FAT3: variants seen among roughly 807,000 people sequenced by gnomAD.
FAT3 encodes the protein protocadherin Fat 3.
Under a neutral mutation model 310.2 loss-of-function variants are expected in FAT3, and 95 were observed. The ratio of observed to expected loss-of-function variants is 0.31; its 90% CI spans 0.26 to 0.36. The LOEUF is 0.36. FAT3 is among the 10% of genes least tolerant of loss of function. The probability of loss-of-function intolerance (pLI) is 1.00; values close to 1 mark genes in which losing one functional copy is unlikely to be tolerated. For missense variants in FAT3, 5,408 were observed against 5,715.6 expected (o/e 0.95, Z 1.74); for synonymous variants, 2,314 against 2,192.9 (o/e 1.06, Z -1.54).
Position 92,352,204 on chromosome 11 carries a change from A to C in FAT3, c.92A>C (p.Gln31Pro). ...TTCAAGCTTTTGGCCACTGTCTCCC[A>C]GGGGCTGCCAGGGACTGGACCCCTG... ...LLFKLLATVS[Q>P]GLPGTGPLGF... is the part of the protein sequence containing the mutation. The change falls in exon 2 of 28, where the codon CAG (glutamine) becomes CCG (proline). Residue 31 changes from glutamine (Q) to proline (P), a missense_variant. This residue lies in a region of FAT3 where 152 missense variants were observed against 188.3 expected (regional missense o/e 0.81). Transcript: ENST00000525166. 12 of 1,377,376 alleles carry C rather than the reference A, an allele frequency of 8.7e-6. No individual in the cohort carries two copies. Among genetic ancestry groups the C allele is most frequent in the Non-Finnish European group, 1.2e-5 (12 of 1,028,926 alleles). The allele number at this position is 1,377,376 out of a possible 1,614,324, so 85.3% of individuals were successfully genotyped here.
chr11:92,332,456 T>C (rs1256955401), intron 1 of FAT3, among the ~76,000 whole-genome samples: 1 of 152,232 alleles, frequency 6.6e-6, no homozygotes, highest in Admixed American at 6.5e-5. Context: ...TTAACCAAGC[T>C]TGTCTAACCT....
At chr11:92,665,345 A>C (rs1024742814) in intron 3 of FAT3, among the ~76,000 whole-genome samples, 1 of 152,212 alleles carries the variant, frequency 6.6e-6, no homozygotes, top group East Asian at 1.9e-4. Flanking sequence ...GACTCCAGTA[A>C]AAATAACAGA....
intron 3 of FAT3, among the ~76,000 whole-genome samples, chr11:92,581,645 G>A (rs1938806024): frequency 6.6e-6 from 1 of 151,870 alleles, no homozygotes; most frequent in Non-Finnish European, 1.5e-5. Context: ...AGCTTATAAA[G>A]GTCTGCCAAG....
Position 92,890,910 on chromosome 11 carries a change from C to G in FAT3, c.13567C>G (p.Gln4523Glu), listed in dbSNP as rs2136448232. ...EFSTFAVSMN[Q>E]GTEPTGPADS... ...TAGTACTTTTGCTGTGAGCATGAAC[C>G]AGGGCACAGAGCCCACAGGCCCAGC... The change falls in exon 28 of 28, where the codon CAG (glutamine) becomes GAG (glutamate). Residue 4523 changes from glutamine to glutamate, a missense_variant. Around this residue, in one of 5 missense-constraint regions of FAT3, gnomAD observed 649 missense variants for 666.2 expected, o/e 0.97. Coordinates refer to ENST00000525166, the MANE Select transcript of FAT3 (RefSeq NM_001367949.2). The G allele has an allele frequency of 1.2e-6, 2 of 1,614,024 alleles. No homozygotes were observed. Among genetic ancestry groups the G allele is most frequent in the Non-Finnish European group, 1.7e-6 (2 of 1,179,892 alleles).
intron 2 of FAT3, among the ~76,000 whole-genome samples, chr11:92,401,116 G>A (rs1017765554): frequency 2.6e-5 from 4 of 152,114 alleles, no homozygotes; most frequent in African/African-American, 9.7e-5. Context: ...CTTGAGATTT[G>A]GTTACCTGGA....
intron 3 of FAT3, among the ~76,000 whole-genome samples, chr11:92,673,970 C>T (rs1424503315): frequency 6.6e-6 from 1 of 151,954 alleles, no homozygotes; most frequent in East Asian, 1.9e-4. Flanking sequence ...CACTTGAGGT[C>T]AGGAGTTCGA....
Position 92,893,755 on chromosome 11 carries a change from C to T in FAT3, c.*2642C>T, listed in dbSNP as rs1291023444. Reference sequence around the variant, plus strand: ...CATGTATTGTGTTTTGATTTATTATCTTTAAACACATGATATCTCTTCACT... The same window carrying T: ...CATGTATTGTGTTTTGATTTATTATTTTTAAACACATGATATCTCTTCACT... On this transcript the variant is annotated 3_prime_UTR_variant, in exon 28 of 28. Coordinates refer to ENST00000525166, the MANE Select transcript of FAT3 (RefSeq NM_001367949.2). 4.6e-5 allele frequency: 7 copies of T among 152,308 alleles called. No homozygotes were observed. The East Asian group carries it at 7.7e-4, about 17-fold the overall frequency. The allele number at this position is 152,308 out of a possible 1,614,324, so 9.4% of individuals were successfully genotyped here.
At chr11:92,393,188 A>G (rs909862491) in intron 2 of FAT3, among the ~76,000 whole-genome samples, 2 of 152,072 alleles carry the variant, frequency 1.3e-5, no homozygotes, top group African/African-American at 4.8e-5. Flanking sequence ...AAAGAGACCT[A>G]TGGAAGGCAG....
At position 92,844,674 on chromosome 11, in the gene FAT3, G is replaced by C; in HGVS notation, c.11307G>C (p.Thr3769=). The C allele has an allele frequency of 6.3e-7, 1 of 1,596,758 alleles. No individual in the cohort carries two copies. The highest frequency in any genetic ancestry group is 1.1e-5 in the South Asian group (1 of 88,506). The stretch of plus-strand genomic sequence containing the variant: ...CCCACGCGCTCATGACCTACAGCAC[G>C]GCTCGCATCAGCTTTGTGTGTCCGC... ...LDSHALMTYS[T]ARISFVCPRF... is the part of the protein sequence containing the mutation. Residue 3769 remains threonine, a synonymous_variant, in exon 19 of 28, where the codon ACG becomes ACC. Transcript: ENST00000525166.
intron 3 of FAT3, among the ~76,000 whole-genome samples, chr11:92,584,481 C>A (rs1002003868): frequency 6.6e-6 from 1 of 151,672 alleles, no homozygotes; most frequent in Non-Finnish European, 1.5e-5. Flanking sequence ...GCTTTTTTTC[C>A]CCCCCTTTTC....
At chr11:92,626,448 T>A (rs1941338805) in intron 3 of FAT3, among the ~76,000 whole-genome samples, 1 of 151,928 alleles carries the variant, frequency 6.6e-6, no homozygotes, top group Non-Finnish European at 1.5e-5. Context: ...AAAAAGGGAA[T>A]TTGAAATTGG....
chr11:92,250,493 A>G (rs1323521854), intron 1 of FAT3, among the ~76,000 whole-genome samples: 2 of 152,256 alleles, frequency 1.3e-5, no homozygotes, highest in African/African-American at 4.8e-5. Flanking sequence ...GTAGGTTGGT[A>G]GTCCAGTATT....
At chr11:92,239,039 C>A (rs1330574898) in intron 1 of FAT3, among the ~76,000 whole-genome samples, 4 of 152,238 alleles carry the variant, frequency 2.6e-5, no homozygotes, top group African/African-American at 7.2e-5. Flanking sequence ...TATCCCCCAA[C>A]AACTCTATGA....
intron 1 of FAT3, among the ~76,000 whole-genome samples, chr11:92,321,262 C>T (rs1343436357): frequency 1.3e-5 from 2 of 151,982 alleles, no homozygotes; most frequent in Admixed American, 1.3e-4. Flanking sequence ...CGGTGAAACC[C>T]CATCTCTACT....
At position 92,682,198 on chromosome 11, in the gene FAT3, G is replaced by A. The variant is rs149562601; in HGVS notation, c.3608-15186G>A. On this transcript the variant is annotated intron_variant, in intron 3 of 27. Transcript: ENST00000525166. Reference sequence around the variant, plus strand: ...CTCCTCAACTACAAAATGGGGGTAAGAATAGTATTTAGCAACTTATAGTAA... The same window carrying A: ...CTCCTCAACTACAAAATGGGGGTAAAAATAGTATTTAGCAACTTATAGTAA... Among the ~76,000 whole-genome samples, 1,236 of 152,326 alleles carry A rather than the reference G, an allele frequency of 8.1e-3. 20 individuals are homozygous for A. The highest frequency in any genetic ancestry group is 0.028 in the African/African-American group (1,166 of 41,574).
chr11:92,404,555 G>A (rs1188938056), intron 2 of FAT3, among the ~76,000 whole-genome samples: 2 of 151,572 alleles, frequency 1.3e-5, no homozygotes, highest in Non-Finnish European at 2.9e-5. Context: ...TGAAGACCAT[G>A]TCACCATGGT....
At chr11:92,671,406 T>C (rs540419256) in intron 3 of FAT3, among the ~76,000 whole-genome samples, 1 of 152,182 alleles carries the variant, frequency 6.6e-6, no homozygotes, top group Admixed American at 6.5e-5. Context: ...CACCAATTTG[T>C]CACCATAATT....
rs542231640 is a variant in FAT3 at position 92,524,683 on chromosome 11, C to T, written c.3342C>T (p.Tyr1114=). Residue 1114 remains tyrosine, a synonymous_variant, in exon 3 of 28, where the codon TAC becomes TAT. Coordinates refer to ENST00000525166, the MANE Select transcript of FAT3 (RefSeq NM_001367949.2). ...DILDRETMGS[Y]WLTVYATDRG... ...TTGATCGGGAGACAATGGGGTCATA[C>T]TGGCTAACAGTGTATGCCACAGACA... 2 of 1,613,846 alleles carry T rather than the reference C, an allele frequency of 1.2e-6. No individual in the cohort carries two copies. Among genetic ancestry groups the T allele is most frequent in the South Asian group, 2.2e-5 (2 of 91,070 alleles).
At chr11:92,689,500 A>G (rs559749246) in intron 3 of FAT3, among the ~76,000 whole-genome samples, 2 of 152,328 alleles carry the variant, frequency 1.3e-5, no homozygotes, top group South Asian at 2.1e-4. Context: ...GAAATCCAAT[A>G]TGGCATTCAA....
Sources: allele counts gnomAD v4.1 joint callset (sites outside exome capture counted in the v4.1 genomes callset), GRCh38; gene constraint gnomAD v4.1.1; regional missense constraint gnomAD v4.1.1; transcripts MANE v1.5; gene names NCBI Gene and HGNC (gene_info 2026-07-23, HGNC 2026-07-21).